The following DHX34 variants were observed in gnomAD, a reference collection of about 807,000 sequenced individuals.
The protein encoded by DHX34 is probable ATP-dependent RNA helicase DHX34.
A neutral mutation model predicts 111.1 loss-of-function variants in DHX34; 96 were observed. The observed-to-expected ratio is 0.86, with a 90% CI of 0.73 to 1.02. The LOEUF (loss-of-function observed/expected upper bound fraction) is 1.02, where lower values mean the gene tolerates loss of function less well. Ranked by LOEUF, DHX34 falls within the 50% of genes least tolerant of loss-of-function variation. The pLI is 0.00. For missense variants in DHX34, 1,560 were observed against 1,579.9 expected (o/e 0.99, Z 0.21); for synonymous variants, 688 against 670.4 (o/e 1.03, Z -0.41).
rs1304635601 is a variant in DHX34 at position 47,357,606 on chromosome 19, G to A, written c.1018-260G>A. 1.0e-5 allele frequency: 4 copies of A among 381,940 alleles called. No individual in the cohort carries two copies. In the Admixed American group the frequency reaches 2.6e-4, roughly 25 times the overall value. The allele number at this position is 381,940 out of a possible 1,614,324, so 23.7% of individuals were successfully genotyped here. On this transcript the variant is annotated intron_variant, in intron 3 of 16. Coordinates refer to ENST00000328771, the MANE Select transcript of DHX34 (RefSeq NM_014681.6). ...CTACGATGCACAGGACAGCCCCCAC[G>A]ACAAGGAATTATCCAGACTGAAATG...
intron 9 of DHX34, among the ~76,000 whole-genome samples, chr19:47,374,075 G>C (rs929252225): frequency 6.6e-6 from 1 of 152,170 alleles, no homozygotes; most frequent in South Asian, 2.1e-4. Context: ...ATTTCTGACA[G>C]CGTGGCCCCG....
intron 6 of DHX34, among the ~76,000 whole-genome samples, 180 bp downstream of exon 6, chr19:47,362,873 T>C (rs1382000001): frequency 1.3e-5 from 2 of 152,148 alleles, no homozygotes; most frequent in East Asian, 3.8e-4. Flanking sequence ...CAGGCTCAAA[T>C]GATCCTCCTA....
intron 13 of DHX34, among the ~76,000 whole-genome samples, chr19:47,379,143 TTAA>T (rs111684128): frequency 0.16 from 23,656 of 150,794 alleles, 1,979 homozygotes; most frequent in Middle Eastern, 0.27. Context: ...AATAAATAAA[TTAA>T]TAATAATAAT....
rs901066233 is a variant in DHX34, at chr19:47,353,583, G to A, written c.553G>A (p.Gly185Ser). The change falls in exon 2 of 17, where the codon GGT (glycine) becomes AGT (serine). Residue 185 changes from glycine to serine, a missense_variant. Transcript: ENST00000328771. This position sits in a 1 kb window ranked among gnomAD's most constrained non-coding sequence, Gnocchi z 4.6. ...LKEHQVVVVAGDTGCGKSTQV... is the reference protein window; with the variant it reads ...LKEHQVVVVASDTGCGKSTQV... The stretch of plus-strand genomic sequence containing the variant: ...GGAGCACCAGGTGGTGGTAGTGGCC[G>A]GTGACACCGGCTGTGGCAAGTCCAC... 4 of 1,613,154 alleles carry A rather than the reference G, an allele frequency of 2.5e-6. No individual in the cohort carries two copies. The highest frequency in any genetic ancestry group is 4.5e-5 in the East Asian group (2 of 44,882).
chr19:47,374,098 C>G (rs1378273454), intron 9 of DHX34, among the ~76,000 whole-genome samples: 2 of 152,124 alleles, frequency 1.3e-5, no homozygotes, highest in Non-Finnish European at 2.9e-5. Flanking sequence ...TGTGTTACTG[C>G]TTGTCTCTGG....
intron 7 of DHX34, chr19:47,372,504 A>G (rs1599769126): frequency 2.9e-6 from 2 of 679,186 alleles, no homozygotes; most frequent in Non-Finnish European, 3.6e-6. Context: ...GGGACTGGCC[A>G]TCTCCAATCT....
intron 6 of DHX34, among the ~76,000 whole-genome samples, chr19:47,364,083 G>T (rs1288469445): frequency 6.6e-6 from 1 of 152,116 alleles, no homozygotes; most frequent in Non-Finnish European, 1.5e-5. Context: ...GGGACCCAGG[G>T]TCCTTCACTC....
At chr19:47,376,143 G>A (rs1304618892) in intron 11 of DHX34, 46 bp downstream of exon 11, 10 of 1,520,282 alleles carry the variant, frequency 6.6e-6, no homozygotes, top group African/African-American at 2.8e-5. Context: ...TCCAACACAC[G>A]AACCCTGAGT....
At chr19:47,377,531 C>T (rs185491024) in intron 13 of DHX34, among the ~76,000 whole-genome samples, 78 of 123,026 alleles carry the variant, frequency 6.3e-4, no homozygotes, top group African/African-American at 2.8e-3. Context: ...ATGCCCTGAG[C>T]GACGTGTGGG....
At position 47,380,020 on chromosome 19, in the gene DHX34, G is replaced by T. The variant is rs779182824; in HGVS notation, c.2982+35G>T. 4 of 1,542,900 alleles carry T rather than the reference G, an allele frequency of 2.6e-6. No individual in the cohort carries two copies. In the Admixed American group the frequency reaches 7.4e-5, roughly 28 times the overall value. ...ACCAGGGTGCCCGTGCCTCCCTATG[G>T]CCAGAAGGGGCATCCGTCACTGGGC... is the stretch of plus-strand genomic sequence containing the variant. On this transcript the variant is annotated intron_variant, in intron 14 of 16. Coordinates refer to ENST00000328771, the MANE Select transcript of DHX34 (RefSeq NM_014681.6).
rs955543104 is a variant in DHX34, at chr19:47,351,171, CT to C, written c.-277-1558del. Among the ~76,000 whole-genome samples, 525 of 93,076 alleles carry C rather than the reference CT, an allele frequency of 5.6e-3. 2 individuals carry two copies. The highest frequency in any genetic ancestry group is 9.5e-3 in the African/African-American group (215 of 22,618). 61.1% of individuals were successfully genotyped at this position (93,076 alleles called of 152,430 possible). On this transcript the variant is annotated intron_variant, in intron 1 of 16. Coordinates refer to ENST00000328771, the MANE Select transcript of DHX34 (RefSeq NM_014681.6). The stretch of plus-strand genomic sequence containing the variant: ...AGAAGAATGCTCTCATTTTCTTTTT[CT>C]TTTTTTTTTTTTTTTTTTTTTTTTG...
chr19:47,373,535 G>T lies in DHX34; in HGVS notation c.1963-64G>T. ...GCCCATTTTGGGGCTCTGGGTGCTC[G>T]GTCAGCCCCTCCCTCCCCGCACTGG... On this transcript the variant is annotated intron_variant, in intron 8 of 16. Transcript: ENST00000328771. 10 of 1,564,980 alleles carry T rather than the reference G, an allele frequency of 6.4e-6. 2 individuals carry two copies. Among genetic ancestry groups the T allele is most frequent in the Middle Eastern group, 4.1e-4 (2 of 4,824 alleles).
chr19:47,376,680 C>A (rs370582141), intron 12 of DHX34, 120 bp downstream of exon 12: 186 of 1,462,906 alleles, frequency 1.3e-4, no homozygotes, highest in Non-Finnish European at 4.6e-5. Context: ...TTGACGGGGG[C>A]CCACAGGAGG....
intron 16 of DHX34, chr19:47,381,741 C>A: frequency 1.6e-6 from 1 of 637,508 alleles, no homozygotes; most frequent in Non-Finnish European, 2.0e-6. Context: ...CTGTGTCTGC[C>A]TCTCAGTCTC....
chr19:47,375,870 A>G (rs1599773511), intron 10 of DHX34, 54 bp from the exon 11 acceptor site: 1 of 1,544,230 alleles, frequency 6.5e-7, no homozygotes, highest in East Asian at 2.3e-5. Flanking sequence ...TCTGCGGATC[A>G]TGGTAGGAGC....
chr19:47,360,153 C>A, intron 5 of DHX34, 83 bp downstream of exon 5: 1 of 1,336,542 alleles, frequency 7.5e-7, no homozygotes, highest in Non-Finnish European at 1.1e-6. Context: ...GTGGCAGGGG[C>A]GCACCAGCTT....
chr19:47,379,637 C>T, intron 13 of DHX34, 73 bp from the exon 14 acceptor site: 1 of 1,514,534 alleles, frequency 6.6e-7, no homozygotes, highest in Non-Finnish European at 8.9e-7. Flanking sequence ...AGGAGCCCAG[C>T]CGGGCAGGGC....
intron 9 of DHX34, 135 bp downstream of exon 9, chr19:47,373,835 G>C: frequency 8.7e-7 from 1 of 1,153,054 alleles, no homozygotes; most frequent in African/African-American, 1.6e-5. Context: ...CCCACCACCC[G>C]GTGACCAGGT....
At chr19:47,362,770 T>C (rs1969676073) in intron 6 of DHX34, 77 bp downstream of exon 6, 3 of 1,246,774 alleles carry the variant, frequency 2.4e-6, no homozygotes, top group Non-Finnish European at 3.2e-6. Context: ...TTTTATTTTA[T>C]TTTATTTTAT....
Sources: allele counts gnomAD v4.1 joint callset (sites outside exome capture counted in the v4.1 genomes callset), GRCh38; gene constraint gnomAD v4.1.1; non-coding constraint Gnocchi (gnomAD v3.1); transcripts MANE v1.5; gene names NCBI Gene and HGNC (gene_info 2026-07-23, HGNC 2026-07-21).